The following PLD5 variants were observed in gnomAD, a reference collection of about 807,000 sequenced individuals.
PLD5 encodes inactive phospholipase D5.
Under a neutral mutation model 61.1 loss-of-function variants are expected in PLD5, and 36 were observed. The ratio of observed to expected loss-of-function variants is 0.59; its 90% CI spans 0.45 to 0.78. The LOEUF (loss-of-function observed/expected upper bound fraction) is 0.78, where lower values mean the gene tolerates loss of function less well. PLD5 is among the 30% of genes least tolerant of loss of function. The probability of loss-of-function intolerance (pLI) is 0.00; values close to 1 mark genes in which losing one functional copy is unlikely to be tolerated. For missense variants in PLD5, 515 were observed against 644.4 expected (o/e 0.80, Z 2.17); for synonymous variants, 243 against 242.8 (o/e 1.00, Z -0.01).
At chr1:242,333,119 G>A (rs539555955) in intron 2 of PLD5, among the ~76,000 whole-genome samples, 115 of 152,306 alleles carry the variant, frequency 7.6e-4, no homozygotes, top group African/African-American at 2.7e-3. Flanking sequence ...ACAGCTGAGC[G>A]TGGAAGTTGC....
intron 7 of PLD5, among the ~76,000 whole-genome samples, chr1:242,111,306 C>T (rs992186764): frequency 6.6e-6 from 1 of 152,116 alleles, no homozygotes; most frequent in African/African-American, 2.4e-5. Context: ...ATCGGCCCAC[C>T]TCGGCCTCCC....
intron 1 of PLD5, among the ~76,000 whole-genome samples, chr1:242,441,749 C>T (rs1014249473): frequency 6.6e-6 from 1 of 152,060 alleles, no homozygotes; most frequent in African/African-American, 2.4e-5. Flanking sequence ...GCCACCGAGC[C>T]CACCTTCTGC....
intron 1 of PLD5, among the ~76,000 whole-genome samples, chr1:242,480,618 T>C (rs950095133): frequency 6.6e-6 from 1 of 152,210 alleles, no homozygotes; most frequent in African/African-American, 2.4e-5. Context: ...AAGAGTTTTA[T>C]ATCTAAATGT....
At chr1:242,336,781 G>A (rs1214863179) in intron 2 of PLD5, among the ~76,000 whole-genome samples, 1 of 152,040 alleles carries the variant, frequency 6.6e-6, no homozygotes, top group African/African-American at 2.4e-5. Context: ...AGGCAAGGAT[G>A]TAATGAAATA....
chr1:242,429,138 G>A (rs2102885380), intron 1 of PLD5, among the ~76,000 whole-genome samples: 1 of 152,160 alleles, frequency 6.6e-6, no homozygotes, highest in African/African-American at 2.4e-5. Context: ...GGAATGCCAC[G>A]AATAATATTG....
intron 1 of PLD5, among the ~76,000 whole-genome samples, chr1:242,378,332 C>T (rs1028554557): frequency 2.0e-5 from 3 of 151,992 alleles, no homozygotes; most frequent in African/African-American, 7.2e-5. Flanking sequence ...AAAAGTAGAA[C>T]AGTGATTACC....
intron 5 of PLD5, among the ~76,000 whole-genome samples, chr1:242,129,491 C>T (rs1257475559): frequency 6.6e-6 from 1 of 152,146 alleles, no homozygotes; most frequent in African/African-American, 2.4e-5. Context: ...GCTTTTTCGC[C>T]CACAGCAAGA....
At position 242,220,048 on chromosome 1, in the gene PLD5, G is replaced by A. The variant is rs753605572; in HGVS notation, c.675C>T (p.Ile225=). The stretch of plus-strand genomic sequence containing the variant: ...CGATATACACGTGCTGTTTGTCCAC[G>A]ATCCAGAAGGAGGACTGCAGCCGGC... ...NKGRLQSSFW[I]VDKQHVYIGS... Residue 225 remains isoleucine (I), a synonymous_variant, in exon 5 of 10, where the codon ATC becomes ATT. Coordinates refer to ENST00000536534, the MANE Select transcript of PLD5 (RefSeq NM_001372062.1). 3.7e-6 allele frequency: 6 copies of A among 1,614,088 alleles called. No homozygotes were observed. Among genetic ancestry groups the A allele is most frequent in the South Asian group, 1.1e-5 (1 of 91,094 alleles).
chr1:242,187,913 G>C (rs1025865162), intron 5 of PLD5, among the ~76,000 whole-genome samples: 9 of 152,196 alleles, frequency 5.9e-5, no homozygotes, highest in Non-Finnish European at 1.3e-4. Flanking sequence ...ATACAGATAG[G>C]AGTGAAACTG....
intron 2 of PLD5, among the ~76,000 whole-genome samples, chr1:242,312,773 C>T (rs1676777716): frequency 6.6e-6 from 1 of 152,218 alleles, no homozygotes; most frequent in Non-Finnish European, 1.5e-5. Flanking sequence ...CCCCAGACTG[C>T]CATGCTGCCT....
intron 1 of PLD5, among the ~76,000 whole-genome samples, chr1:242,376,617 C>G (rs143000168): frequency 0.053 from 8,091 of 152,162 alleles, 261 homozygotes; most frequent in Admixed American, 0.094. Context: ...AGAAACAGTA[C>G]AAAAAGAAAA....
intron 8 of PLD5, among the ~76,000 whole-genome samples, 194 bp from the exon 9 acceptor site, chr1:242,100,976 C>T (rs551988432): frequency 2.0e-4 from 30 of 152,230 alleles, no homozygotes; most frequent in African/African-American, 7.2e-4. Flanking sequence ...AGAAAATTAG[C>T]GTGCTCAACT....
chr1:242,305,961 G>A (rs113770775), intron 2 of PLD5, among the ~76,000 whole-genome samples: 9,793 of 152,222 alleles, frequency 0.064, 362 homozygotes, highest in Middle Eastern at 0.11. Flanking sequence ...GGAAAGGGGG[G>A]GAAGTCCATG....
chr1:242,414,048 A>C (rs1664695381), intron 1 of PLD5, among the ~76,000 whole-genome samples: 2 of 152,172 alleles, frequency 1.3e-5, no homozygotes, highest in South Asian at 2.1e-4. Context: ...TGCAAGCAGA[A>C]GTGTCAAGTG....
At chr1:242,292,976 C>G (rs1158626766) in intron 2 of PLD5, among the ~76,000 whole-genome samples, 2 of 152,164 alleles carry the variant, frequency 1.3e-5, no homozygotes, top group African/African-American at 2.4e-5. Context: ...GTTTCATCGA[C>G]TGTCAAAGGG....
chr1:242,147,794 A>G (rs776930749), intron 5 of PLD5, among the ~76,000 whole-genome samples: 1 of 152,172 alleles, frequency 6.6e-6, no homozygotes, highest in Non-Finnish European at 1.5e-5. Context: ...GTATTTATAT[A>G]CTGACTTGCT....
At chr1:242,508,722 A>C (rs1043529717) in intron 1 of PLD5, among the ~76,000 whole-genome samples, 5 of 152,160 alleles carry the variant, frequency 3.3e-5, no homozygotes, top group Non-Finnish European at 7.4e-5. Context: ...TACAAAAGTC[A>C]AGTAAAGTGA....
chr1:242,329,019 A>ATT lies in PLD5; in HGVS notation c.326+19085_326+19086dup, dbSNP rs35579172. On this transcript the variant is annotated intron_variant, in intron 2 of 9. Transcript: ENST00000536534. ...AAATTTTTTGTTTTATTTATTTATT[A>ATT]TTTTTTTGAGACAGAGTCTCGCTCT... Among the ~76,000 whole-genome samples, 5 of 151,362 alleles carry ATT rather than the reference A, an allele frequency of 3.3e-5. No homozygotes were observed. The East Asian group carries it at 5.9e-4, about 18-fold the overall frequency.
chr1:242,113,278 G>A (rs4658621), intron 7 of PLD5, among the ~76,000 whole-genome samples: 130,301 of 151,782 alleles, frequency 0.86, 56,251 homozygotes, highest in African/African-American at 0.95. Flanking sequence ...TATTTTTAGT[G>A]GAGACGGGGT....
Sources: gnomAD v4.1 joint callset for allele counts (sites outside exome capture counted in the v4.1 genomes callset) on GRCh38, gnomAD v4.1.1 for gene constraint, MANE v1.5 for transcripts, NCBI Gene and HGNC (gene_info 2026-07-23, HGNC 2026-07-21) for gene names.